The following GSE1 variants were observed in gnomAD, a reference collection of about 807,000 sequenced individuals.
GSE1 encodes genetic suppressor element 1.
Under a neutral mutation model 112.6 loss-of-function variants are expected in GSE1, and 32 were observed. The ratio of observed to expected loss-of-function variants is 0.28; its 90% CI spans 0.21 to 0.38. GSE1 has a LOEUF of 0.38. Ranked by LOEUF, GSE1 falls within the 10% of genes least tolerant of loss-of-function variation. The pLI is 1.00. For missense variants in GSE1, 2,348 were observed against 1,699.2 expected (o/e 1.38, Z -6.71); for synonymous variants, 1,115 against 735.6 (o/e 1.52, Z -8.35).
At chr16:85,187,929 G>A (rs949824571) in intron 1 of GSE1, among the ~76,000 whole-genome samples, 2 of 152,190 alleles carry the variant, frequency 1.3e-5, no homozygotes, top group Non-Finnish European at 2.9e-5. Context: ...TGCCCCTCAC[G>A]CTCAGGATAA....
intron 2 of GSE1, among the ~76,000 whole-genome samples, chr16:85,365,054 C>T (rs1297086307): frequency 6.6e-6 from 1 of 152,208 alleles, no homozygotes; most frequent in African/African-American, 2.4e-5. Flanking sequence ...GCTGGGAGCT[C>T]TCATCTTTGG....
rs555354906 is a variant in GSE1, at chr16:85,395,066, C to T, written c.2464+37423C>T. Among the ~76,000 whole-genome samples, 71 of 152,196 alleles carry T rather than the reference C, an allele frequency of 4.7e-4. No homozygotes were observed. The South Asian group carries it at 0.015, about 31-fold the overall frequency. On this transcript the variant is annotated intron_variant, in intron 2 of 2. Coordinates refer to the GSE1 transcript ENST00000637419. ...TTCTCGACGCGGGGAATGGGGCGGGCAGAGACTGGGGCACCTAAGCATAGG... is the reference window on the plus strand; with the variant it reads ...TTCTCGACGCGGGGAATGGGGCGGGTAGAGACTGGGGCACCTAAGCATAGG...
chr16:85,480,416 C>T (rs1324273848), intron 2 of GSE1, among the ~76,000 whole-genome samples: 1 of 152,202 alleles, frequency 6.6e-6, no homozygotes, highest in Non-Finnish European at 1.5e-5. Flanking sequence ...CCACCCCCCT[C>T]TGCCTGCTCC....
chr16:85,500,468 A>T (rs1321160853), intron 2 of GSE1, among the ~76,000 whole-genome samples: 1 of 152,210 alleles, frequency 6.6e-6, no homozygotes, highest in African/African-American at 2.4e-5. Flanking sequence ...CCAGCCTTCG[A>T]TTCCTAATAA....
chr16:85,180,359 A>G (rs556640415), intron 1 of GSE1, among the ~76,000 whole-genome samples: 1 of 152,136 alleles, frequency 6.6e-6, no homozygotes, highest in East Asian at 1.9e-4. Flanking sequence ...CGGCCCCTCA[A>G]AGGTCACCCA....
At chr16:85,509,252 A>T (rs1027368718) in intron 2 of GSE1, among the ~76,000 whole-genome samples, 2 of 152,188 alleles carry the variant, frequency 1.3e-5, no homozygotes, top group African/African-American at 4.8e-5. Context: ...CATGCCAGGG[A>T]CAGCTTTGGG....
At position 85,384,660 on chromosome 16, in the gene GSE1, A is replaced by C. The variant is rs974800297; in HGVS notation, c.2464+27017A>C. The stretch of plus-strand genomic sequence containing the variant: ...CAGCCTACAGAAGGGCTGGGAACTC[A>C]CGGCCAGGCGTGTGGGTGGATTGTT... On this transcript the variant is annotated intron_variant, in intron 2 of 2. Transcript: ENST00000637419. 5.9e-5 allele frequency among the ~76,000 whole-genome samples: 9 copies of C among 152,216 alleles called. 3 individuals carry two copies.
At chr16:85,499,344 T>C (rs1402941438) in intron 2 of GSE1, among the ~76,000 whole-genome samples, 2 of 119,222 alleles carry the variant, frequency 1.7e-5, no homozygotes, top group East Asian at 5.5e-4. Context: ...AGAGTCTCAC[T>C]CAGTCGCCTA....
chr16:85,182,317 G>A (rs947680117), intron 1 of GSE1, among the ~76,000 whole-genome samples: 1 of 152,234 alleles, frequency 6.6e-6, no homozygotes, highest in Admixed American at 6.5e-5. Context: ...GTTCAGCCCT[G>A]TTGTCCAAGA....
At chr16:85,657,712 C>G in intron 8 of GSE1, 108 bp downstream of exon 8, 1 of 702,030 alleles carries the variant, frequency 1.4e-6, no homozygotes, top group Non-Finnish European at 2.2e-6. Flanking sequence ...GCGTTTCTGC[C>G]TGCCTCTTTC....
At chr16:85,525,249 G>T (rs113892034) in intron 2 of GSE1, among the ~76,000 whole-genome samples, 42,642 of 151,268 alleles carry the variant, frequency 0.28, 6,057 homozygotes, top group South Asian at 0.37. Context: ...TGGCTCACTT[G>T]TCCCCCCCCC....
At chr16:85,568,796 A>T (rs1447060547) in intron 1 of GSE1, among the ~76,000 whole-genome samples, 1 of 152,290 alleles carries the variant, frequency 6.6e-6, no homozygotes, top group East Asian at 1.9e-4. Flanking sequence ...ATGGGAGCAG[A>T]AATCAGAGGG....
chr16:85,512,011 C>T (rs4783226), intron 2 of GSE1, among the ~76,000 whole-genome samples: 96,413 of 152,028 alleles, frequency 0.63, 32,782 homozygotes, highest in African/African-American at 0.88. Context: ...AGGGTCTCCA[C>T]GCAGGAGTGG....
chr16:85,646,610 G>A (rs919425572), intron 2 of GSE1, among the ~76,000 whole-genome samples: 3 of 152,206 alleles, frequency 2.0e-5, no homozygotes, highest in African/African-American at 4.8e-5. Flanking sequence ...CCCTGGGCCT[G>A]TGTCAGGGAA....
intron 1 of GSE1, among the ~76,000 whole-genome samples, chr16:85,286,613 T>C (rs1420517953): frequency 1.3e-5 from 2 of 152,188 alleles, no homozygotes; most frequent in East Asian, 1.9e-4. Context: ...ACAGTCATCG[T>C]GGGCAGCTCT....
intron 1 of GSE1, among the ~76,000 whole-genome samples, chr16:85,235,649 C>A (rs1320774188): frequency 6.6e-6 from 1 of 151,728 alleles, no homozygotes; most frequent in African/African-American, 2.4e-5. Context: ...GTCCCCCCTC[C>A]TCCCCCCGAG....
At chr16:85,289,842 G>A (rs1410450727) in intron 1 of GSE1, among the ~76,000 whole-genome samples, 5 of 152,182 alleles carry the variant, frequency 3.3e-5, no homozygotes. Context: ...ATGTTGGGGC[G>A]GGGATGAAAA....
intron 2 of GSE1, among the ~76,000 whole-genome samples, chr16:85,378,622 C>G (rs908160174): frequency 4.6e-5 from 7 of 152,334 alleles, no homozygotes; most frequent in Admixed American, 2.6e-4. Context: ...TTTGAATCCT[C>G]CCATGGCTCT....
At position 85,403,300 on chromosome 16, in the gene GSE1, T is replaced by C. The variant is rs952528831; in HGVS notation, c.2464+45657T>C. Reference sequence around the variant, plus strand: ...GCCCCCTCACCTGTGCCATGTTCCATTCATTAGGGGCAAGTCACCAGGTCC... The same window carrying C: ...GCCCCCTCACCTGTGCCATGTTCCACTCATTAGGGGCAAGTCACCAGGTCC... On this transcript the variant is annotated intron_variant, in intron 2 of 2. Coordinates refer to the GSE1 transcript ENST00000637419. 7.2e-5 allele frequency among the ~76,000 whole-genome samples: 11 copies of C among 152,210 alleles called. No individual in the cohort carries two copies. In the East Asian group the frequency reaches 1.9e-3, roughly 27 times the overall value.
Sources: gnomAD v4.1 joint callset for allele counts (sites outside exome capture counted in the v4.1 genomes callset) on GRCh38, gnomAD v4.1.1 for gene constraint, MANE v1.5 for transcripts, NCBI Gene and HGNC (gene_info 2026-07-23, HGNC 2026-07-21) for gene names.